CEMIP2: variants seen among roughly 807,000 people sequenced by gnomAD.
The protein encoded by CEMIP2 is cell surface hyaluronidase CEMIP2.
CEMIP2 carries 79 observed loss-of-function variants against 146.9 expected under a neutral mutation model. The ratio of observed to expected loss-of-function variants is 0.54; its 90% confidence interval spans 0.45 to 0.65. The LOEUF is 0.65. Ranked by LOEUF, CEMIP2 falls within the 30% of genes least tolerant of loss-of-function variation. CEMIP2 has a pLI of 0.00. For missense variants in CEMIP2, 1,596 were observed against 1,696.2 expected, an observed-to-expected ratio of 0.94 and a Z score of 1.04; for synonymous variants, 601 against 606.3, an observed-to-expected ratio of 0.99 and a Z score of 0.13.
intron 22 of CEMIP2, among the ~76,000 whole-genome samples, chr9:71,688,991 CT>C (rs1411822770): frequency 3.3e-5 from 5 of 152,138 alleles, no homozygotes; most frequent in Non-Finnish European, 7.4e-5. Context: ...TCTTAAAAGC[CT>C]TTCTGTTAAT....
chr9:71,752,229 C>G (rs1255447280), intron 1 of CEMIP2, among the ~76,000 whole-genome samples: 1 of 151,274 alleles, frequency 6.6e-6, no homozygotes, highest in African/African-American at 2.4e-5. Context: ...TCCAAACAAT[C>G]GAGAGGCAAA....
chr9:71,755,346 TACACACACACACACAC>T (rs34581447), intron 1 of CEMIP2, among the ~76,000 whole-genome samples: 16 of 134,932 alleles, frequency 1.2e-4, no homozygotes, highest in East Asian at 6.6e-4. Flanking sequence ...ACCCTGTCTC[TACACACACACACACAC>T]ACACACACAC....
At chr9:71,745,808 T>C (rs935695725) in intron 3 of CEMIP2, among the ~76,000 whole-genome samples, 1 of 152,212 alleles carries the variant, frequency 6.6e-6, no homozygotes, top group African/African-American at 2.4e-5. Flanking sequence ...TTAAATCATT[T>C]CTCTTAAAAA....
chr9:71,691,556 A>G lies in CEMIP2; in HGVS notation c.3697-1310T>C, dbSNP rs547397801. ...TTTCCTTATGTTTTTAAATCTCACT[A>G]CTTAAAATTGAGGTACACTTAAGAA... On this transcript the variant is annotated intron_variant, in intron 21 of 23. Coordinates refer to ENST00000377044, the MANE Select transcript of CEMIP2 (RefSeq NM_013390.3). Among the ~76,000 whole-genome samples, 166 of 152,278 alleles carry G rather than the reference A, an allele frequency of 1.1e-3. 2 individuals carry two copies. Among genetic ancestry groups the G allele is most frequent in the African/African-American group, 3.7e-3 (153 of 41,556 alleles).
At chr9:71,715,623 A>AAG (rs1554682956) in intron 14 of CEMIP2, among the ~76,000 whole-genome samples, 7 of 40,060 alleles carry the variant, frequency 1.7e-4, no homozygotes, top group African/African-American at 3.8e-4. Context: ...TATCCCTCTT[A>AAG]AGATATATAT....
chr9:71,695,602 C>A (rs6560228), intron 20 of CEMIP2, among the ~76,000 whole-genome samples: 135,060 of 152,110 alleles, frequency 0.89, 60,126 homozygotes, highest in East Asian at 1. Context: ...TGAGCCTGGG[C>A]GATGAAGGTT....
At chr9:71,766,151 C>G (rs935044249) in intron 1 of CEMIP2, among the ~76,000 whole-genome samples, 3 of 151,682 alleles carry the variant, frequency 2.0e-5, no homozygotes, top group African/African-American at 7.3e-5. Context: ...TCACTGCAAC[C>G]TCCACCTCCC....
chr9:71,734,047 C>T (rs1216578181), intron 6 of CEMIP2, among the ~76,000 whole-genome samples: 2 of 152,042 alleles, frequency 1.3e-5, no homozygotes, highest in African/African-American at 4.8e-5. Context: ...GGGGTTTCAC[C>T]GTATGGGCCG....
At chr9:71,740,837 T>C in intron 4 of CEMIP2, among the ~76,000 whole-genome samples, 1 of 152,178 alleles carries the variant, frequency 6.6e-6, no homozygotes, top group East Asian at 1.9e-4. Context: ...ACCACTGATT[T>C]GGGCAGTGGT....
chr9:71,752,481 G>GGAA (rs1554688756), intron 1 of CEMIP2, among the ~76,000 whole-genome samples: 1 of 2,146 alleles, frequency 4.7e-4, no homozygotes, highest in African/African-American at 2.7e-3. Flanking sequence ...AGGAAGGAAG[G>GGAA]GGGAGGGAAG....
At chr9:71,758,200 C>G (rs1297190758) in intron 1 of CEMIP2, among the ~76,000 whole-genome samples, 1 of 152,196 alleles carries the variant, frequency 6.6e-6, no homozygotes, top group Non-Finnish European at 1.5e-5. Context: ...ATTAAGTCAA[C>G]TTTCATTCAG....
chr9:71,757,751 G>A (rs1824507825), intron 1 of CEMIP2, among the ~76,000 whole-genome samples: 1 of 152,186 alleles, frequency 6.6e-6, no homozygotes, highest in African/African-American at 2.4e-5. Flanking sequence ...GTTTGGTTTG[G>A]TTTGGTTTGG....
chr9:71,732,711 TTTTTTTTTTTTG>T (rs1823655794), intron 6 of CEMIP2, among the ~76,000 whole-genome samples, 191 bp from the exon 7 acceptor site: 1 of 122,966 alleles, frequency 8.1e-6, no homozygotes, highest in African/African-American at 3.3e-5. Flanking sequence ...TTTTTTTTTT[TTTTTTTTTTTTG>T]TGAGACGGAG....
intron 13 of CEMIP2, 70 bp downstream of exon 13, chr9:71,717,878 T>C (rs1823111952): frequency 3.0e-5 from 43 of 1,455,532 alleles, no homozygotes; most frequent in Non-Finnish European, 3.9e-5. Context: ...TTCATGCTAC[T>C]GGCTTTAAAA....
At chr9:71,718,669 C>T (rs1053713526) in intron 12 of CEMIP2, among the ~76,000 whole-genome samples, 2 of 152,010 alleles carry the variant, frequency 1.3e-5, no homozygotes, top group Non-Finnish European at 2.9e-5. Flanking sequence ...CTCTGCTTCC[C>T]GGGTTCAAGC....
At position 71,759,253 on chromosome 9, in the gene CEMIP2, G is replaced by T. The variant is rs531802521; in HGVS notation, c.-12-8868C>A. 2.6e-5 allele frequency among the ~76,000 whole-genome samples: 4 copies of T among 152,222 alleles called. No homozygotes were observed. The South Asian group carries it at 8.3e-4, about 32-fold the overall frequency. On this transcript the variant is annotated intron_variant, in intron 1 of 23. Transcript: ENST00000377044. ...CTATTGTTATAATAAACATCTGTAT[G>T]CATCAGACTTCTAGATTCACACCAC... is the stretch of plus-strand genomic sequence containing the variant.
At chr9:71,722,878 G>C (rs966807045) in intron 11 of CEMIP2, among the ~76,000 whole-genome samples, 5 of 152,160 alleles carry the variant, frequency 3.3e-5, no homozygotes, top group Non-Finnish European at 7.4e-5. Context: ...AAAGGAAGCA[G>C]ATGAGGTTTG....
At chr9:71,735,831 G>A (rs62547055) in intron 5 of CEMIP2, among the ~76,000 whole-genome samples, 9,816 of 152,184 alleles carry the variant, frequency 0.065, 434 homozygotes, top group Non-Finnish European at 0.086. Flanking sequence ...AGTGGCTCAC[G>A]CCTATAATCT....
chr9:71,712,018 T>C, intron 16 of CEMIP2, 65 bp downstream of exon 16: 1 of 1,550,128 alleles, frequency 6.5e-7, no homozygotes, highest in Non-Finnish European at 8.8e-7. Flanking sequence ...TTTTTGTCTT[T>C]GGGAATGTGC....
Sources: gnomAD v4.1 joint callset for allele counts (sites outside exome capture counted in the v4.1 genomes callset) on GRCh38, gnomAD v4.1.1 for gene constraint, MANE v1.5 for transcripts, NCBI Gene and HGNC (gene_info 2026-07-23, HGNC 2026-07-21) for gene names.